Variants in DENND5A observed in about 807,000 individuals in gnomAD.
DENND5A encodes DENN domain containing 5A.
A neutral mutation model predicts 140.3 loss-of-function variants in DENND5A; 64 were observed. The ratio of observed to expected loss-of-function variants is 0.46; its 90% CI spans 0.37 to 0.56. DENND5A has a LOEUF of 0.56. DENND5A is among the 20% of genes least tolerant of loss of function. The pLI, the probability that DENND5A is intolerant of heterozygous loss-of-function variation, is 0.00. For missense variants in DENND5A, 1,292 were observed against 1,593.8 expected (o/e 0.81, Z 3.22); for synonymous variants, 605 against 607.7 (o/e 1.00, Z 0.07).
At chr11:9,159,006 C>T (rs1847895305) in intron 12 of DENND5A, among the ~76,000 whole-genome samples, 1 of 152,148 alleles carries the variant, frequency 6.6e-6, no homozygotes, top group Non-Finnish European at 1.5e-5. Flanking sequence ...TAGTCACTTC[C>T]CATTGCTCCC....
At chr11:9,240,345 A>C (rs1343020542) in intron 1 of DENND5A, among the ~76,000 whole-genome samples, 1 of 152,172 alleles carries the variant, frequency 6.6e-6, no homozygotes, top group Non-Finnish European at 1.5e-5. Context: ...CAGTGAGCCA[A>C]GGTTGCACCA....
intron 1 of DENND5A, among the ~76,000 whole-genome samples, chr11:9,253,607 A>G (rs1004105317): frequency 2.6e-5 from 4 of 152,064 alleles, no homozygotes; most frequent in Non-Finnish European, 5.9e-5. Context: ...CAAAAAAATA[A>G]TAATTAGTTG....
Position 9,169,912 on chromosome 11 carries a change from T to C in DENND5A, c.2095A>G (p.Lys699Glu). 3 of 1,613,946 alleles carry C rather than the reference T, an allele frequency of 1.9e-6. No homozygotes were observed. The highest frequency in any genetic ancestry group is 2.5e-6 in the Non-Finnish European group (3 of 1,179,836). ...TCTGTGTGCTGCTTCTGCCGATCTT[T>C]CCGCCTCCACTGGGCAGGGGCATTC... ...KRNAPAQWRR[K>E]DRQKQHTEHL... Residue 699 changes from lysine (K) to glutamate (E), a missense_variant, in exon 10 of 23, where the codon AAA becomes GAA. By Grantham distance (56) the Lys-to-Glu change is moderately conservative (BLOSUM62 1). Transcript: ENST00000328194.
At chr11:9,214,598 G>A (rs1267164982) in intron 1 of DENND5A, among the ~76,000 whole-genome samples, 1 of 152,194 alleles carries the variant, frequency 6.6e-6, no homozygotes, top group Non-Finnish European at 1.5e-5. Context: ...GAAGAGACAG[G>A]CTGTAACTTG....
At chr11:9,249,021 A>G (rs1333798598) in intron 1 of DENND5A, among the ~76,000 whole-genome samples, 1 of 152,058 alleles carries the variant, frequency 6.6e-6, no homozygotes, top group Non-Finnish European at 1.5e-5. Flanking sequence ...AGGTCAGGAG[A>G]TCGAGACCAT....
In DENND5A at chr11:9,192,354, C is replaced by T. The variant is rs369311304; in HGVS notation, c.1137+1140G>A. ...ACAAAAATCTCTACCCCCGGCCGGG[C>T]GCGGTGGCTCACGCCTGTAATCCCA... On this transcript the variant is annotated intron_variant, in intron 5 of 22. Coordinates refer to ENST00000328194, the MANE Select transcript of DENND5A (RefSeq NM_015213.4). 5.9e-5 allele frequency among the ~76,000 whole-genome samples: 9 copies of T among 152,236 alleles called. No individual in the cohort carries two copies. In the East Asian group the frequency reaches 7.7e-4, roughly 13 times the overall value.
intron 1 of DENND5A, among the ~76,000 whole-genome samples, chr11:9,215,980 G>T (rs902347532): frequency 8.5e-5 from 13 of 152,142 alleles, no homozygotes; most frequent in Non-Finnish European, 1.6e-4. Context: ...AGAAAATTGG[G>T]CTTAAGCAAA....
chr11:9,236,126 G>C (rs929890248), intron 1 of DENND5A, among the ~76,000 whole-genome samples: 1 of 151,902 alleles, frequency 6.6e-6, no homozygotes, highest in Non-Finnish European at 1.5e-5. Flanking sequence ...AGGAGGCTGA[G>C]GCAAGAGGAT....
At chr11:9,164,952 CTG>C (rs369294250) in intron 11 of DENND5A, among the ~76,000 whole-genome samples, 3 of 152,258 alleles carry the variant, frequency 2.0e-5, no homozygotes, top group African/African-American at 7.2e-5. Flanking sequence ...TAGTGAGATC[CTG>C]TCTTTAAAAA....
chr11:9,228,294 G>A (rs1054838354), intron 1 of DENND5A, among the ~76,000 whole-genome samples: 1 of 152,062 alleles, frequency 6.6e-6, no homozygotes, highest in African/African-American at 2.4e-5. Context: ...AATAGCTTAA[G>A]GATGGTGGCT....
rs758090222 is a variant in DENND5A, at chr11:9,139,753, T to C, written c.3782A>G (p.Asn1261Ser). 1.6e-5 allele frequency: 26 copies of C among 1,613,960 alleles called. No homozygotes were observed. Among genetic ancestry groups the C allele is most frequent in the Admixed American group, 6.7e-5 (4 of 59,984 alleles). The stretch of plus-strand genomic sequence containing the variant: ...TGTCTGCAGCACACGAATCAAGGAA[T>C]TGACAAGTGTATGGTCTTTGATCAG... The part of the protein sequence containing the change: ...VALIKDHTLV[N>S]SLIRVLQTLQ... Residue 1261 changes from asparagine to serine, a missense_variant, in exon 23 of 23, where the codon AAT becomes AGT. Around this residue, in one of 4 missense-constraint regions of DENND5A, gnomAD observed 498 missense variants for 689.7 expected, o/e 0.72. Coordinates refer to ENST00000328194, the MANE Select transcript of DENND5A (RefSeq NM_015213.4).
chr11:9,239,345 T>C (rs1414618548), intron 1 of DENND5A, among the ~76,000 whole-genome samples: 1 of 149,298 alleles, frequency 6.7e-6, no homozygotes, highest in African/African-American at 2.5e-5. Context: ...CTTTTTTTTT[T>C]TTTTTTTTTG....
intron 1 of DENND5A, among the ~76,000 whole-genome samples, chr11:9,238,485 C>T (rs762318653): frequency 1.3e-5 from 2 of 151,442 alleles, no homozygotes; most frequent in Admixed American, 6.6e-5. Context: ...GGCGCCATCT[C>T]GGCTCACTGC....
chr11:9,216,702 C>G (rs1394626199), intron 1 of DENND5A, among the ~76,000 whole-genome samples: 1 of 151,990 alleles, frequency 6.6e-6, no homozygotes, highest in Admixed American at 6.6e-5. Context: ...GCCAGGAGCT[C>G]GGAACCAACC....
intron 12 of DENND5A, among the ~76,000 whole-genome samples, chr11:9,157,272 C>T (rs1377270889): frequency 2.0e-5 from 3 of 152,176 alleles, no homozygotes; most frequent in Non-Finnish European, 2.9e-5. Flanking sequence ...ACTTATCACA[C>T]GCCAGGTATT....
intron 1 of DENND5A, among the ~76,000 whole-genome samples, chr11:9,239,397 TGTC>T (rs1851140862): frequency 6.7e-6 from 1 of 148,978 alleles, no homozygotes; most frequent in Non-Finnish European, 1.5e-5. Context: ...AGTACAGTGG[TGTC>T]ATCATGACTC....
At chr11:9,152,932 A>C (rs1380594664) in intron 12 of DENND5A, among the ~76,000 whole-genome samples, 3 of 151,068 alleles carry the variant, frequency 2.0e-5, no homozygotes, top group Non-Finnish European at 4.4e-5. Context: ...CGGGAGGCAG[A>C]GGTTGCAGTG....
chr11:9,168,058 G>C (rs941075119), intron 10 of DENND5A, among the ~76,000 whole-genome samples: 1 of 147,404 alleles, frequency 6.8e-6, no homozygotes, highest in Non-Finnish European at 1.5e-5. Context: ...AACCTCTTTT[G>C]TCACCTTTGT....
chr11:9,179,365 G>A (rs1391964553), intron 6 of DENND5A, among the ~76,000 whole-genome samples: 1 of 152,108 alleles, frequency 6.6e-6, no homozygotes, highest in Non-Finnish European at 1.5e-5. Context: ...AAGAAAAGGT[G>A]CTAATTATCT....
Sources: allele counts gnomAD v4.1 joint callset (sites outside exome capture counted in the v4.1 genomes callset), GRCh38; gene constraint gnomAD v4.1.1; regional missense constraint gnomAD v4.1.1; transcripts MANE v1.5; gene names NCBI Gene and HGNC (gene_info 2026-07-23, HGNC 2026-07-21).